OR4F3: variants seen among roughly 807,000 people sequenced by gnomAD.
OR4F3 encodes olfactory receptor 4F3/4F16/4F29.
chr5:181,362,173 C>A, the OR4F3 span, among the ~76,000 whole-genome samples: 1 of 103,680 alleles, frequency 9.6e-6, no homozygotes, highest in Non-Finnish European at 1.7e-5. Context: ...GGAGAAAAGT[C>A]CATTTTCCTG....
At chr5:181,357,158 G>T in the OR4F3 span, among the ~76,000 whole-genome samples, 2 of 134,890 alleles carry the variant, frequency 1.5e-5, no homozygotes, top group Non-Finnish European at 3.2e-5. Context: ...AACTTTATTT[G>T]ATTTTGTTAT....
chr5:181,361,926 G>A, the OR4F3 span, among the ~76,000 whole-genome samples: 7 of 84,402 alleles, frequency 8.3e-5, no homozygotes, highest in Admixed American at 3.1e-4. Flanking sequence ...GATAAGGATC[G>A]GCTTTGTACG....
upstream of OR4F3, among the ~76,000 whole-genome samples, chr5:181,362,542 G>T (rs1157065661): frequency 8.1e-6 from 1 of 124,130 alleles, no homozygotes; most frequent in African/African-American, 3.9e-5. Flanking sequence ...TTTTGGGGGG[G>T]GTGCTGGGAA....
At chr5:181,363,879 G>A (rs867695335), upstream of OR4F3, among the ~76,000 whole-genome samples, 2 of 83,708 alleles carry the variant, frequency 2.4e-5, no homozygotes, top group African/African-American at 1.7e-4. Flanking sequence ...TCTCTCCCCC[G>A]TTAAATGCAA....
chr5:181,357,069 A>G, the OR4F3 span, among the ~76,000 whole-genome samples: 2 of 134,094 alleles, frequency 1.5e-5, no homozygotes, highest in South Asian at 4.8e-4. Flanking sequence ...GTTATTTCCA[A>G]GGGCGCTCTC....
chr5:181,358,634 G>A, the OR4F3 span, among the ~76,000 whole-genome samples: 1 of 64,896 alleles, frequency 1.5e-5, no homozygotes, highest in Non-Finnish European at 3.0e-5. Context: ...ACATTTGCAT[G>A]TTTCCCTTTA....
At chr5:181,354,495 A>T in the OR4F3 span, among the ~76,000 whole-genome samples, 1 of 132,494 alleles carries the variant, frequency 7.5e-6, no homozygotes, top group African/African-American at 3.2e-5. Context: ...CTTCATGGAG[A>T]ACCTCTGCTA....
chr5:181,363,843 G>A (rs1450978198), upstream of OR4F3, among the ~76,000 whole-genome samples: 1 of 88,718 alleles, frequency 1.1e-5, no homozygotes, highest in East Asian at 3.1e-4. Flanking sequence ...GAGTCCAAAA[G>A]GGCGATAATA....
chr5:181,363,728 G>A (rs368612132), upstream of OR4F3, among the ~76,000 whole-genome samples: 697 of 82,726 alleles, frequency 8.4e-3, no homozygotes, highest in African/African-American at 0.021. Context: ...TCAAATCATA[G>A]TAACAAGTAT....
At chr5:181,360,510 C>CCATT in the OR4F3 span, among the ~76,000 whole-genome samples, 1 of 62,358 alleles carries the variant, frequency 1.6e-5, no homozygotes, top group African/African-American at 7.6e-5. Flanking sequence ...ATTATATTAT[C>CCATT]CATTCATTCA....
the OR4F3 span, among the ~76,000 whole-genome samples, chr5:181,356,621 G>A: frequency 3.7e-5 from 5 of 135,728 alleles, no homozygotes; most frequent in Admixed American, 3.5e-4. Context: ...CCCCCTGCAG[G>A]AAAACCTTTG....
At chr5:181,358,394 G>A in the OR4F3 span, among the ~76,000 whole-genome samples, 4 of 131,584 alleles carry the variant, frequency 3.0e-5, no homozygotes, top group East Asian at 5.9e-4. Flanking sequence ...GAAGGCAGAC[G>A]AGTTTGGAAT....
chr5:181,358,408 G>T, the OR4F3 span, among the ~76,000 whole-genome samples: 4 of 130,672 alleles, frequency 3.1e-5, 1 homozygote, highest in Admixed American at 2.9e-4. Flanking sequence ...TTGGAATCTT[G>T]TCTCCAAAAC....
the OR4F3 span, among the ~76,000 whole-genome samples, chr5:181,359,438 G>T: frequency 9.6e-6 from 1 of 103,946 alleles, no homozygotes; most frequent in Non-Finnish European, 1.8e-5. Context: ...TATGGTAATC[G>T]TTATGTAAAT....
chr5:181,357,401 A>C, the OR4F3 span, among the ~76,000 whole-genome samples: 56 of 128,022 alleles, frequency 4.4e-4, 2 homozygotes, highest in African/African-American at 1.9e-3. Flanking sequence ...ATTAGGCTTC[A>C]GAATGCTCAC....
At chr5:181,359,663 T>A in the OR4F3 span, among the ~76,000 whole-genome samples, 1 of 133,542 alleles carries the variant, frequency 7.5e-6, no homozygotes, top group Admixed American at 7.1e-5. Context: ...CCAGGCCGTG[T>A]GATCTCAGTC....
chr5:181,360,732 T>C, the OR4F3 span, among the ~76,000 whole-genome samples: 1 of 131,298 alleles, frequency 7.6e-6, no homozygotes, highest in Non-Finnish European at 1.6e-5. Flanking sequence ...GATACCTGCT[T>C]CTGTGTTGTC....
chr5:181,362,536 G>A (rs1427265485), upstream of OR4F3, among the ~76,000 whole-genome samples: 1 of 124,128 alleles, frequency 8.1e-6, no homozygotes, highest in Non-Finnish European at 1.6e-5. Context: ...ATTTTTTTTT[G>A]GGGGGGGTGC....
At chr5:181,362,881 TTTG>T (rs1399429841), upstream of OR4F3, among the ~76,000 whole-genome samples, 1 of 32,266 alleles carries the variant, frequency 3.1e-5, no homozygotes. Context: ...TTTTGGTTTT[TTTG>T]TTGTTTTTTA....
Sources: allele counts gnomAD v4.1 joint callset (sites outside exome capture counted in the v4.1 genomes callset), GRCh38; gene constraint gnomAD v4.1.1; transcripts MANE v1.5; gene names NCBI Gene and HGNC (gene_info 2026-07-23, HGNC 2026-07-21).